Variants in SLC25A42 observed in about 807,000 individuals in gnomAD.
The protein encoded by SLC25A42 is mitochondrial coenzyme A transporter SLC25A42.
Under a neutral mutation model 34.7 loss-of-function variants are expected in SLC25A42, and 19 were observed. The ratio of observed to expected loss-of-function variants is 0.55; its 90% confidence interval spans 0.38 to 0.80. The LOEUF is 0.80. Ranked by LOEUF, SLC25A42 falls within the 30% of genes least tolerant of loss-of-function variation. The pLI, the probability that SLC25A42 is intolerant of heterozygous loss-of-function variation, is 0.00. For synonymous variants in SLC25A42, 205 were observed against 191.2 expected (o/e 1.07, Z -0.59); for missense variants, 364 against 441.3 (o/e 0.82, Z 1.57).
At chr19:19,108,153 AC>A in intron 7 of SLC25A42, 108 bp downstream of exon 7, 2 of 1,308,438 alleles carry the variant, frequency 1.5e-6, no homozygotes, top group South Asian at 1.5e-5. Context: ...GTGGGGTACG[AC>A]CCCTGGGTGG....
intron 2 of SLC25A42, among the ~76,000 whole-genome samples, chr19:19,099,381 G>T (rs1204070808): frequency 3.3e-5 from 5 of 152,192 alleles, no homozygotes; most frequent in African/African-American, 1.2e-4. Context: ...TGTGGAACCA[G>T]ACTGGGGGTG....
At chr19:19,075,619 C>T (rs1023560225) in intron 1 of SLC25A42, among the ~76,000 whole-genome samples, 3 of 152,156 alleles carry the variant, frequency 2.0e-5, no homozygotes, top group Non-Finnish European at 4.4e-5. Context: ...TGGGGGAGTA[C>T]GAGGTACCTA....
chr19:19,064,444 C>G (rs1322387419), intron 1 of SLC25A42, among the ~76,000 whole-genome samples: 1 of 138,226 alleles, frequency 7.2e-6, no homozygotes, highest in Non-Finnish European at 1.6e-5. Context: ...CCCCCACTCA[C>G]GAACACCCGC....
intron 1 of SLC25A42, among the ~76,000 whole-genome samples, chr19:19,079,753 A>G (rs758544806): frequency 2.0e-5 from 3 of 151,828 alleles, no homozygotes; most frequent in Non-Finnish European, 2.9e-5. Context: ...TATTGTTTCT[A>G]TTGTGTTGGG....
intron 1 of SLC25A42, among the ~76,000 whole-genome samples, chr19:19,079,017 A>AT (rs1358245130): frequency 6.7e-6 from 1 of 148,890 alleles, no homozygotes; most frequent in Non-Finnish European, 1.5e-5. Context: ...CAGAACTTTT[A>AT]TTTTTTTATT....
intron 1 of SLC25A42, among the ~76,000 whole-genome samples, chr19:19,085,980 TAG>T (rs1221987543): frequency 2.6e-5 from 4 of 152,104 alleles, no homozygotes; most frequent in Non-Finnish European, 5.9e-5. Context: ...CACGCTGGCT[TAG>T]AGTCACCCTC....
At chr19:19,092,901 G>C (rs1032202572) in intron 1 of SLC25A42, among the ~76,000 whole-genome samples, 6 of 152,144 alleles carry the variant, frequency 3.9e-5, no homozygotes, top group Admixed American at 1.3e-4. Flanking sequence ...TGATTGTTGT[G>C]GGGGGCGGAG....
At position 19,086,172 on chromosome 19, in the gene SLC25A42, G is replaced by A. The variant is rs185024999; in HGVS notation, c.-34-9919G>A. On this transcript the variant is annotated intron_variant, in intron 1 of 7. Coordinates refer to ENST00000318596, the MANE Select transcript of SLC25A42 (RefSeq NM_178526.5). Reference sequence around the variant, plus strand: ...TTAGCACTTTATGAGAGAGAGTCTCGCTCTGTCACACAGGCTGGAGTGCAG... The same window carrying A: ...TTAGCACTTTATGAGAGAGAGTCTCACTCTGTCACACAGGCTGGAGTGCAG... Among the ~76,000 whole-genome samples, 754 of 152,242 alleles carry A rather than the reference G, an allele frequency of 5.0e-3. 9 individuals are homozygous for A. The highest frequency in any genetic ancestry group is 0.02 in the Middle Eastern group (6 of 294).
Position 19,096,152 on chromosome 19 carries a change from G to C in SLC25A42, c.28G>C (p.Val10Leu), listed in dbSNP as rs773838795. ...GGGTAATGGTGTGAAGGAAGGCCCGGTGCGATTGCATGAGGATGCTGAGGC... is the reference window on the plus strand; with the variant it reads ...GGGTAATGGTGTGAAGGAAGGCCCGCTGCGATTGCATGAGGATGCTGAGGC... Reference protein sequence around the residue: MGNGVKEGPVRLHEDAEAVL... With the variant: MGNGVKEGPLRLHEDAEAVL... Residue 10 changes from valine (V) to leucine (L), a missense_variant, in exon 2 of 8, where the codon GTG becomes CTG. Physicochemically the swap from Val to Leu is conservative, Grantham distance 32. Transcript: ENST00000318596. The C allele has an allele frequency of 5.0e-6, 8 of 1,613,604 alleles. No individual in the cohort carries two copies. Among genetic ancestry groups the C allele is most frequent in the Non-Finnish European group, 5.9e-6 (7 of 1,180,002 alleles).
Position 19,081,676 on chromosome 19 carries a change from C to A in SLC25A42, c.-34-14415C>A. On this transcript the variant is annotated intron_variant, in intron 1 of 7. Coordinates refer to ENST00000318596, the MANE Select transcript of SLC25A42 (RefSeq NM_178526.5). The surrounding 1 kb of genome is among the most constrained non-coding windows in gnomAD (Gnocchi z 4.5). ...GACCTCACCACCTCCAGGTCTCAGG[C>A]AGAACCTGGACAGGCTCCTGAGGCG... Among the ~76,000 whole-genome samples the A allele has an allele frequency of 6.6e-6, 1 of 152,206 alleles. No individual in the cohort carries two copies. Among genetic ancestry groups the A allele is most frequent in the East Asian group, 1.9e-4 (1 of 5,194 alleles).
chr19:19,068,160 C>T lies in SLC25A42; in HGVS notation c.-35+4045C>T, dbSNP rs2059611695. ...CATGAGGTCAGGAGTTCAAGACCAG[C>T]ATGACCAACATGGTGAAACCCTGTC... On this transcript the variant is annotated intron_variant, in intron 1 of 7. Transcript: ENST00000318596. Among the ~76,000 whole-genome samples the T allele has an allele frequency of 2.6e-5, 4 of 151,594 alleles. No individual in the cohort carries two copies. In the South Asian group the frequency reaches 8.3e-4, roughly 32 times the overall value.
rs9967641 is a variant in SLC25A42, at chr19:19,103,296, C to T, written c.187+1410C>T. On this transcript the variant is annotated intron_variant, in intron 3 of 7. Transcript: ENST00000318596. ...TTTTTAGTAGAGACAGGTTTCGACA[C>T]GTTGGCCCCGCTGGTCTTGAATTCC... 4.2e-3 allele frequency among the ~76,000 whole-genome samples: 644 copies of T among 152,126 alleles called. 7 individuals carry two copies. The highest frequency in any genetic ancestry group is 0.015 in the African/African-American group (622 of 41,494).
chr19:19,105,848 C>G, intron 5 of SLC25A42, 121 bp downstream of exon 5: 1 of 902,692 alleles, frequency 1.1e-6, no homozygotes, highest in Non-Finnish European at 1.6e-6. Flanking sequence ...TTCCCTCTTC[C>G]CACAACGAAA....
chr19:19,099,884 T>C (rs927717206), intron 2 of SLC25A42, among the ~76,000 whole-genome samples: 2 of 151,982 alleles, frequency 1.3e-5, no homozygotes, highest in South Asian at 2.1e-4. Flanking sequence ...CCCACCACCA[T>C]GCCCGGCTAA....
chr19:19,100,633 T>C (rs933921673), intron 2 of SLC25A42, among the ~76,000 whole-genome samples: 3 of 152,214 alleles, frequency 2.0e-5, no homozygotes, highest in Non-Finnish European at 4.4e-5. Flanking sequence ...CCAGAGTTCT[T>C]ACAGAACCCT....
intron 1 of SLC25A42, among the ~76,000 whole-genome samples, chr19:19,084,013 AGCATGCCCCT>A (rs2145906799): frequency 8.4e-6 from 1 of 119,112 alleles, no homozygotes; most frequent in South Asian, 2.9e-4. Context: ...CCACCACCCC[AGCATGCCCCT>A]GCAGGCACCT....
intron 6 of SLC25A42, 30 bp from the exon 7 acceptor site, chr19:19,107,864 C>G: frequency 6.2e-7 from 1 of 1,613,022 alleles, no homozygotes; most frequent in Non-Finnish European, 8.5e-7. Flanking sequence ...AGGCCTGAGT[C>G]CCACCTGCTG....
intron 7 of SLC25A42, 36 bp downstream of exon 7, chr19:19,108,081 AG>A: frequency 6.5e-7 from 1 of 1,527,712 alleles, no homozygotes; most frequent in South Asian, 1.3e-5. Context: ...GGGGACGTTC[AG>A]GAAGCATTCC....
chr19:19,105,788 C>G, intron 5 of SLC25A42, 61 bp downstream of exon 5: 2 of 1,244,040 alleles, frequency 1.6e-6, no homozygotes, highest in East Asian at 3.1e-5. Context: ...CTCTCTCTTT[C>G]TTCTGCACGC....
Sources: allele counts gnomAD v4.1 joint callset (sites outside exome capture counted in the v4.1 genomes callset), GRCh38; gene constraint gnomAD v4.1.1; non-coding constraint Gnocchi (gnomAD v3.1); transcripts MANE v1.5; gene names NCBI Gene and HGNC (gene_info 2026-07-23, HGNC 2026-07-21).